Variants in PUM2 observed in about 807,000 individuals in gnomAD.
The protein encoded by PUM2 is pumilio homolog 2.
A neutral mutation model predicts 124.5 loss-of-function variants in PUM2; 57 were observed. That is an observed-to-expected ratio of 0.46 (90% confidence interval 0.37 to 0.57). PUM2 has a LOEUF of 0.57. Ranked by LOEUF, PUM2 falls within the 20% of genes least tolerant of loss-of-function variation. The pLI, the probability that PUM2 is intolerant of heterozygous loss-of-function variation, is 0.00. For missense variants in PUM2, 1,065 were observed against 1,290.6 expected (o/e 0.83, Z 2.68); for synonymous variants, 460 against 446.1 (o/e 1.03, Z -0.39).
rs545230252 is a variant in PUM2 at position 20,278,832 on chromosome 2, T to TA, written c.1721-14dup. The TA allele has an allele frequency of 2.9e-4, 457 of 1,591,246 alleles. No homozygotes were observed. The African/African-American group carries it at 4.9e-3, about 17-fold the overall frequency. The stretch of plus-strand genomic sequence containing the variant: ...GCAGAACTGCCAACTGAAGAAGAAA[T>TA]AAAAAAAACCCTAATTACATACAGT... On this transcript the variant is annotated splice_polypyrimidine_tract_variant and intron_variant, in intron 12 of 20. Transcript: ENST00000361078.
chr2:20,352,242 C>T (rs1402748944), upstream of PUM2: 1 of 152,278 alleles, frequency 6.6e-6, no homozygotes, highest in Non-Finnish European at 1.5e-5. Context: ...GCTAGCCTTG[C>T]TTCCCAGGTC....
intron 1 of PUM2, among the ~76,000 whole-genome samples, chr2:20,338,210 A>G (rs1686514550): frequency 6.6e-6 from 1 of 152,142 alleles, no homozygotes; most frequent in East Asian, 1.9e-4. Context: ...CAGCCTGGCC[A>G]ACATGGTAAA....
intron 13 of PUM2, among the ~76,000 whole-genome samples, chr2:20,273,048 T>C (rs1478026514): frequency 6.6e-6 from 1 of 152,246 alleles, no homozygotes; most frequent in African/African-American, 2.4e-5. Context: ...TTTTAAAGGC[T>C]ACCTTTTGAT....
intron 2 of PUM2, 141 bp downstream of exon 2, chr2:20,327,168 CA>C: frequency 1.7e-6 from 1 of 593,778 alleles, no homozygotes; most frequent in Non-Finnish European, 2.9e-6. Flanking sequence ...CAGAATTGTA[CA>C]ATCTGAAATT....
At chr2:20,338,311 C>T (rs1573004745) in intron 1 of PUM2, among the ~76,000 whole-genome samples, 1 of 152,118 alleles carries the variant, frequency 6.6e-6, no homozygotes, top group African/African-American at 2.4e-5. Context: ...GCAAGAGAAT[C>T]GCTTGAACCC....
At chr2:20,261,530 T>TAA (rs199675974) in intron 14 of PUM2, among the ~76,000 whole-genome samples, 1,645 of 139,030 alleles carry the variant, frequency 0.012, 16 homozygotes, top group Middle Eastern at 0.023. Flanking sequence ...TCCACTTGTT[T>TAA]AAAAAAAAAA....
intron 13 of PUM2, among the ~76,000 whole-genome samples, chr2:20,275,588 T>A (rs574174723): frequency 3.3e-5 from 5 of 152,224 alleles, no homozygotes; most frequent in Non-Finnish European, 5.9e-5. Context: ...AGGCTGGTCA[T>A]CTCACAATGG....
At position 20,266,562 on chromosome 2, in the gene PUM2, A is replaced by C. The variant is rs1003605959; in HGVS notation, c.1958-3102T>G. On this transcript the variant is annotated intron_variant, in intron 13 of 20. Transcript: ENST00000361078. ...TCACTGAAAGGACGAACTATCACCA[A>C]TTAATTTCACCCAGGGAAGCATACC... Among the ~76,000 whole-genome samples, 3 of 152,176 alleles carry C rather than the reference A, an allele frequency of 2.0e-5. No individual in the cohort carries two copies. The East Asian group carries it at 5.8e-4, about 29-fold the overall frequency.
At chr2:20,269,713 C>A (rs1351585942) in intron 13 of PUM2, among the ~76,000 whole-genome samples, 1 of 152,070 alleles carries the variant, frequency 6.6e-6, no homozygotes, top group Non-Finnish European at 1.5e-5. Flanking sequence ...AAATTACAAG[C>A]CAAGTGTTCT....
At chr2:20,348,976 A>G (rs954113945) in intron 1 of PUM2, among the ~76,000 whole-genome samples, 1 of 152,254 alleles carries the variant, frequency 6.6e-6, no homozygotes, top group African/African-American at 2.4e-5. Context: ...GCTTGAGAGA[A>G]ACAAAATCCA....
chr2:20,327,382 T>C lies in PUM2; in HGVS notation c.-18-4A>G, dbSNP rs563075442. 1.4e-5 allele frequency: 21 copies of C among 1,545,206 alleles called. No individual in the cohort carries two copies. Among genetic ancestry groups the C allele is most frequent in the Admixed American group, 3.7e-5 (2 of 53,596 alleles). The stretch of plus-strand genomic sequence containing the variant: ...TCATTTCATCCACAGATCAAACCTG[T>C]TGAATAACAAAAACAAAAATTAGTA... On this transcript the variant is annotated splice_region_variant and splice_polypyrimidine_tract_variant and intron_variant, in intron 1 of 20. Coordinates refer to ENST00000361078, the MANE Select transcript of PUM2 (RefSeq NM_015317.5).
Position 20,311,513 on chromosome 2 carries a change from C to T in PUM2, c.499G>A (p.Ala167Thr). 2.5e-6 allele frequency: 4 copies of T among 1,607,894 alleles called. No individual in the cohort carries two copies. The highest frequency in any genetic ancestry group is 3.4e-6 in the Non-Finnish European group (4 of 1,178,188). Residue 167 changes from alanine to threonine, a missense_variant, in exon 5 of 21, where the codon GCC becomes ACC. Around this residue, in one of 3 missense-constraint regions of PUM2, gnomAD observed 968 missense variants for 1,159.8 expected, o/e 0.83. Coordinates refer to ENST00000361078, the MANE Select transcript of PUM2 (RefSeq NM_015317.5). Reference sequence around the variant, plus strand: ...TCTTACTTAAAATCTTTGCAATCGGCATCCATTCCATTTGGCAAACCTCTG... The same window carrying T: ...TCTTACTTAAAATCTTTGCAATCGGTATCCATTCCATTTGGCAAACCTCTG... The part of the protein sequence containing the change: ...NGRGLPNGMD[A>T]DCKDFNRTPG...
At chr2:20,326,285 A>T (rs1339062154) in intron 2 of PUM2, 3 of 1,303,858 alleles carry the variant, frequency 2.3e-6, no homozygotes, top group Non-Finnish European at 3.0e-6. Flanking sequence ...TCTGAAAATG[A>T]CATACTCTTT....
At chr2:20,341,928 G>A (rs1173763104) in intron 1 of PUM2, among the ~76,000 whole-genome samples, 4 of 152,022 alleles carry the variant, frequency 2.6e-5, no homozygotes, top group Non-Finnish European at 4.4e-5. Flanking sequence ...TCATGAGTTC[G>A]AGACCAGGGT....
intron 1 of PUM2, among the ~76,000 whole-genome samples, chr2:20,344,711 A>G (rs1687881223): frequency 6.6e-6 from 1 of 152,116 alleles, no homozygotes; most frequent in African/African-American, 2.4e-5. Context: ...AGCTGGGCAC[A>G]GTGGCTCACA....
intron 8 of PUM2, 114 bp from the exon 9 acceptor site, chr2:20,294,632 C>T: frequency 1.7e-6 from 2 of 1,208,966 alleles, no homozygotes; most frequent in Non-Finnish European, 1.1e-6. Context: ...TAGAGAAGAA[C>T]ATGTCTTTAT....
chr2:20,296,587 G>A (rs964126699), intron 8 of PUM2, among the ~76,000 whole-genome samples: 1 of 151,448 alleles, frequency 6.6e-6, no homozygotes, highest in Non-Finnish European at 1.5e-5. Context: ...TCAAGATATC[G>A]CTCAAAGCCC....
chr2:20,253,815 G>C lies in PUM2; in HGVS notation c.3063+7C>G. On this transcript the variant is annotated splice_region_variant and intron_variant, in intron 20 of 20. Coordinates refer to ENST00000361078, the MANE Select transcript of PUM2 (RefSeq NM_015317.5). ...AACAGTTATCTGAGTGTTACATGCT[G>C]TATTACCTTGTGCATGATTATCTTT... The C allele has an allele frequency of 6.2e-7, 1 of 1,604,652 alleles. No homozygotes were observed. The highest frequency in any genetic ancestry group is 8.5e-7 in the Non-Finnish European group (1 of 1,172,346).
chr2:20,276,470 G>T (rs1670291581), intron 13 of PUM2, among the ~76,000 whole-genome samples: 2 of 152,022 alleles, frequency 1.3e-5, no homozygotes, highest in African/African-American at 4.8e-5. Flanking sequence ...AATGAGAATT[G>T]AGAGAACTTA....
Sources: gnomAD v4.1 joint callset for allele counts (sites outside exome capture counted in the v4.1 genomes callset) on GRCh38, gnomAD v4.1.1 for gene constraint, gnomAD v4.1.1 regional missense constraint, MANE v1.5 for transcripts, NCBI Gene and HGNC (gene_info 2026-07-23, HGNC 2026-07-21) for gene names.